Variants in MOB3B observed in about 807,000 individuals in gnomAD.
MOB3B encodes MOB kinase activator-like 2B.
MOB3B carries 7 observed loss-of-function variants against 18.7 expected under a neutral mutation model. The ratio of observed to expected loss-of-function variants is 0.37; its 90% confidence interval spans 0.21 to 0.70. The LOEUF (loss-of-function observed/expected upper bound fraction) is 0.70, where lower values mean the gene tolerates loss of function less well. Ranked by LOEUF, MOB3B falls within the 30% of genes least tolerant of loss-of-function variation. MOB3B has a pLI of 0.52. For synonymous variants in MOB3B, 111 were observed against 99.9 expected, an observed-to-expected ratio of 1.11 and a Z score of -0.66; for missense variants, 253 against 281.3, an observed-to-expected ratio of 0.90 and a Z score of 0.72.
At chr9:27,518,003 G>T (rs188516930) in intron 1 of MOB3B, among the ~76,000 whole-genome samples, 1 of 152,056 alleles carries the variant, frequency 6.6e-6, no homozygotes, top group African/African-American at 2.4e-5. Flanking sequence ...ATTATTCCTA[G>T]ATACCACCCC....
intron 3 of MOB3B, 45 bp from the exon 4 acceptor site, chr9:27,330,661 G>A (rs1015576788): frequency 6.2e-7 from 1 of 1,612,812 alleles, no homozygotes; most frequent in African/African-American, 1.3e-5. Context: ...ACTATAAGCA[G>A]AGCAACGATT....
chr9:27,511,942 T>C (rs978196325), intron 1 of MOB3B, among the ~76,000 whole-genome samples: 2 of 152,196 alleles, frequency 1.3e-5, no homozygotes, highest in Non-Finnish European at 2.9e-5. Context: ...CTGGCATCCC[T>C]CGCACTTAGC....
intron 3 of MOB3B, among the ~76,000 whole-genome samples, chr9:27,349,760 G>C (rs1007989330): frequency 2.0e-5 from 3 of 152,232 alleles, no homozygotes; most frequent in African/African-American, 7.2e-5. Context: ...ATGTTGAGCA[G>C]AAGGTACTGA....
chr9:27,441,103 C>T (rs1164229835), intron 2 of MOB3B, among the ~76,000 whole-genome samples: 1 of 152,132 alleles, frequency 6.6e-6, no homozygotes. Flanking sequence ...AGTAATTCTC[C>T]ATTACTGGCC....
chr9:27,527,038 T>A (rs1043448622), intron 1 of MOB3B, among the ~76,000 whole-genome samples: 2 of 140,650 alleles, frequency 1.4e-5, no homozygotes, highest in African/African-American at 5.4e-5. Context: ...AATAGGTTTA[T>A]GATATCTCCC....
intron 3 of MOB3B, among the ~76,000 whole-genome samples, 178 bp from the exon 4 acceptor site, chr9:27,330,794 T>C (rs1820776492): frequency 6.6e-6 from 1 of 152,012 alleles, no homozygotes; most frequent in Non-Finnish European, 1.5e-5. Context: ...TGCAGAATTT[T>C]TTTTTTCCAT....
At chr9:27,356,932 C>T (rs1036685297) in intron 3 of MOB3B, among the ~76,000 whole-genome samples, 1 of 151,268 alleles carries the variant, frequency 6.6e-6, no homozygotes, top group South Asian at 2.1e-4. Context: ...ACTCAGCCAT[C>T]GATGAATTCT....
At position 27,514,345 on chromosome 9, in the gene MOB3B, C is replaced by CAAAAAAA. The variant is rs34526085; in HGVS notation, c.-199+15203_-199+15209dup. ...TCAACGCAGAATAAGACCACAAGCT[C>CAAAAAAA]AAAAAAAAAAAAAAAAAAAAAAAGA... On this transcript the variant is annotated intron_variant, in intron 1 of 3. Coordinates refer to ENST00000262244, the MANE Select transcript of MOB3B (RefSeq NM_024761.5). Among the ~76,000 whole-genome samples, 138 of 77,568 alleles carry CAAAAAAA rather than the reference C, an allele frequency of 1.8e-3. 1 individual carries two copies. The highest frequency in any genetic ancestry group is 2.2e-3 in the Non-Finnish European group (89 of 40,430). 50.9% of individuals were successfully genotyped at this position (77,568 alleles called of 152,430 possible).
chr9:27,427,971 A>G (rs889604578), intron 2 of MOB3B, among the ~76,000 whole-genome samples: 11 of 151,954 alleles, frequency 7.2e-5, no homozygotes, highest in African/African-American at 2.7e-4. Context: ...AACCCAACCC[A>G]ATACTTCTGG....
chr9:27,468,633 T>G (rs1819424392), intron 1 of MOB3B, among the ~76,000 whole-genome samples: 1 of 152,170 alleles, frequency 6.6e-6, no homozygotes, highest in African/African-American at 2.4e-5. Context: ...TTTATGAGGG[T>G]TGGGAGCACA....
At chr9:27,516,425 G>A (rs1820235117) in intron 1 of MOB3B, among the ~76,000 whole-genome samples, 1 of 152,168 alleles carries the variant, frequency 6.6e-6, no homozygotes, top group African/African-American at 2.4e-5. Context: ...ATAGCCCAAA[G>A]AGTTTGACCA....
At chr9:27,466,682 C>T (rs78752429) in intron 1 of MOB3B, among the ~76,000 whole-genome samples, 48,343 of 151,890 alleles carry the variant, frequency 0.32, 8,823 homozygotes, top group Non-Finnish European at 0.41. Flanking sequence ...ACTTCTTATA[C>T]GGCAGCAGCA....
intron 2 of MOB3B, among the ~76,000 whole-genome samples, chr9:27,436,536 T>A (rs900096665): frequency 6.6e-6 from 1 of 152,222 alleles, no homozygotes; most frequent in Non-Finnish European, 1.5e-5. Flanking sequence ...GACTGTCTGA[T>A]TGGCCTCCCG....
At chr9:27,444,707 C>T (rs577285763) in intron 2 of MOB3B, among the ~76,000 whole-genome samples, 4 of 152,164 alleles carry the variant, frequency 2.6e-5, no homozygotes, top group Admixed American at 1.3e-4. Flanking sequence ...AAACCTGGAT[C>T]AACCACTTAC....
At chr9:27,384,659 T>G (rs1821625672) in intron 2 of MOB3B, among the ~76,000 whole-genome samples, 1 of 152,204 alleles carries the variant, frequency 6.6e-6, no homozygotes. Context: ...GCTTTAGGAC[T>G]GGAAGGCAGC....
chr9:27,342,902 G>T (rs1341516181), intron 3 of MOB3B, among the ~76,000 whole-genome samples: 1 of 150,930 alleles, frequency 6.6e-6, no homozygotes, highest in African/African-American at 2.5e-5. Flanking sequence ...TCTGGGAAGT[G>T]AGGAGCGTCT....
At chr9:27,340,912 A>G (rs564771860) in intron 3 of MOB3B, among the ~76,000 whole-genome samples, 1 of 152,304 alleles carries the variant, frequency 6.6e-6, no homozygotes, top group African/African-American at 2.4e-5. Flanking sequence ...GCGCAGCTGG[A>G]TTGGTTTCTG....
chr9:27,376,258 T>C (rs145284602), intron 2 of MOB3B, among the ~76,000 whole-genome samples: 1,551 of 152,350 alleles, frequency 0.01, 13 homozygotes, highest in Non-Finnish European at 0.015. Flanking sequence ...TCTTTGACAG[T>C]TGGTCCTGAC....
intron 1 of MOB3B, among the ~76,000 whole-genome samples, chr9:27,510,845 G>A (rs1484825377): frequency 6.6e-6 from 1 of 152,192 alleles, no homozygotes. Context: ...TGGGGGTCAG[G>A]AGATACTCCC....
Sources: allele counts gnomAD v4.1 joint callset (sites outside exome capture counted in the v4.1 genomes callset), GRCh38; gene constraint gnomAD v4.1.1; transcripts MANE v1.5; gene names NCBI Gene and HGNC (gene_info 2026-07-23, HGNC 2026-07-21).